The following PLCB1 variants were observed in gnomAD, a reference collection of about 807,000 sequenced individuals.
The protein encoded by PLCB1 is 1-phosphatidylinositol 4,5-bisphosphate phosphodiesterase beta-1.
A neutral mutation model predicts 161.8 loss-of-function variants in PLCB1; 46 were observed. The observed-to-expected ratio is 0.28, with a 90% CI of 0.22 to 0.36. PLCB1 has a LOEUF of 0.36. Among genes scored for constraint, PLCB1 ranks in the 10% least tolerant of loss-of-function variants. The pLI is 1.00. For synonymous variants in PLCB1, 517 were observed against 503.7 expected, an observed-to-expected ratio of 1.03 and a Z score of -0.35; for missense variants, 1,016 against 1,472.5, an observed-to-expected ratio of 0.69 and a Z score of 5.07.
intron 24 of PLCB1, among the ~76,000 whole-genome samples, chr20:8,759,012 A>G (rs1310803756): frequency 3.9e-5 from 6 of 152,220 alleles, no homozygotes; most frequent in Non-Finnish European, 7.3e-5. Flanking sequence ...TTACTGTTCA[A>G]GATTCCAACG....
intron 12 of PLCB1, among the ~76,000 whole-genome samples, chr20:8,712,543 A>G (rs1979077510): frequency 6.6e-6 from 1 of 152,214 alleles, no homozygotes; most frequent in Non-Finnish European, 1.5e-5. Context: ...TATTTTTAAA[A>G]GCCCTACTTG....
At chr20:8,834,150 G>A (rs900858828) in intron 31 of PLCB1, among the ~76,000 whole-genome samples, 1 of 152,074 alleles carries the variant, frequency 6.6e-6, no homozygotes, top group African/African-American at 2.4e-5. Flanking sequence ...GGGAAGTGAG[G>A]GGAAAGATGA....
intron 2 of PLCB1, among the ~76,000 whole-genome samples, chr20:8,280,162 C>G (rs1043975221): frequency 5.9e-5 from 9 of 151,830 alleles, no homozygotes; most frequent in African/African-American, 2.2e-4. Context: ...ATGGTGAAAC[C>G]CCGTCTCTAT....
intron 1 of PLCB1, among the ~76,000 whole-genome samples, chr20:8,145,215 G>T (rs1484379060): frequency 6.6e-6 from 1 of 152,106 alleles, no homozygotes; most frequent in Non-Finnish European, 1.5e-5. Flanking sequence ...CGTCTTGGCT[G>T]GTAGATGGCC....
chr20:8,660,734 G>A (rs533042614), intron 9 of PLCB1, among the ~76,000 whole-genome samples: 21 of 152,148 alleles, frequency 1.4e-4, no homozygotes, highest in African/African-American at 4.3e-4. Flanking sequence ...ATTTCAAATC[G>A]AAAGAGGCAC....
intron 2 of PLCB1, chr20:8,306,377 G>A (rs6055725): frequency 1.3e-5 from 2 of 152,330 alleles, no homozygotes; most frequent in Admixed American, 6.5e-5. Context: ...GCCACCTGCA[G>A]GTCAGTGGTC....
At chr20:8,293,660 G>A (rs536298666) in intron 2 of PLCB1, among the ~76,000 whole-genome samples, 2 of 152,098 alleles carry the variant, frequency 1.3e-5, no homozygotes, top group East Asian at 1.9e-4. Context: ...TTTCATCTCA[G>A]TGAAAAAGGC....
chr20:8,474,825 A>C (rs1278824771), intron 3 of PLCB1, among the ~76,000 whole-genome samples: 1 of 152,150 alleles, frequency 6.6e-6, no homozygotes, highest in Non-Finnish European at 1.5e-5. Context: ...TCTAAGTGTG[A>C]CCACAATTGA....
intron 3 of PLCB1, among the ~76,000 whole-genome samples, chr20:8,532,524 A>T (rs148633364): frequency 4.0e-4 from 61 of 152,292 alleles, no homozygotes; most frequent in African/African-American, 1.5e-3. Context: ...GTCAGCTTTC[A>T]TTAAGGACAT....
At chr20:8,476,764 CT>C (rs1159358251) in intron 3 of PLCB1, among the ~76,000 whole-genome samples, 1 of 152,026 alleles carries the variant, frequency 6.6e-6, no homozygotes, top group Non-Finnish European at 1.5e-5. Context: ...ATAGACGGGC[CT>C]TGGAATATCT....
intron 9 of PLCB1, among the ~76,000 whole-genome samples, chr20:8,678,321 C>T (rs1990136108): frequency 6.6e-6 from 1 of 152,120 alleles, no homozygotes; most frequent in African/African-American, 2.4e-5. Context: ...GTAATGTATA[C>T]ATGTGCTACA....
chr20:8,790,898 C>G (rs12481294), intron 31 of PLCB1, among the ~76,000 whole-genome samples: 11,676 of 152,098 alleles, frequency 0.077, 535 homozygotes, highest in South Asian at 0.18. Context: ...TAGAACATTC[C>G]TTCCATTTTG....
chr20:8,324,085 A>G (rs1568632215), intron 2 of PLCB1, among the ~76,000 whole-genome samples: 3 of 152,204 alleles, frequency 2.0e-5, no homozygotes, highest in Non-Finnish European at 4.4e-5. Context: ...TTACAGAGTG[A>G]CTGCTATAAT....
chr20:8,387,615 C>A (rs35568858), intron 3 of PLCB1, among the ~76,000 whole-genome samples: 20,930 of 152,134 alleles, frequency 0.14, 1,865 homozygotes, highest in Non-Finnish European at 0.19. Context: ...GTAAAAATGG[C>A]ACCAACAGAC....
chr20:8,148,519 C>G (rs990349076), intron 1 of PLCB1, among the ~76,000 whole-genome samples: 2 of 152,110 alleles, frequency 1.3e-5, no homozygotes, highest in Non-Finnish European at 2.9e-5. Context: ...AAAAATGAAA[C>G]ATAGTACTAT....
chr20:8,218,044 T>C (rs1979223589), intron 2 of PLCB1, among the ~76,000 whole-genome samples: 1 of 152,196 alleles, frequency 6.6e-6, no homozygotes, highest in Admixed American at 6.5e-5. Context: ...AACCACAACA[T>C]GGACTAAGAC....
intron 2 of PLCB1, among the ~76,000 whole-genome samples, chr20:8,234,389 T>C (rs1345379462): frequency 6.6e-6 from 1 of 152,052 alleles, no homozygotes; most frequent in Non-Finnish European, 1.5e-5. Context: ...GATTGTCAAA[T>C]TTGGTTGTTA....
At chr20:8,770,536 A>ACATGT (rs1444390258) in intron 26 of PLCB1, among the ~76,000 whole-genome samples, 1 of 152,198 alleles carries the variant, frequency 6.6e-6, no homozygotes, top group African/African-American at 2.4e-5. Context: ...GGTCCAGATG[A>ACATGT]CATGTGCCCA....
chr20:8,559,683 T>A (rs1348490586), intron 3 of PLCB1, among the ~76,000 whole-genome samples: 2 of 152,014 alleles, frequency 1.3e-5, no homozygotes, highest in Non-Finnish European at 2.9e-5. Flanking sequence ...TCAGTCAAAA[T>A]AGACCTTAGG....
Sources: allele counts gnomAD v4.1 joint callset (sites outside exome capture counted in the v4.1 genomes callset), GRCh38; gene constraint gnomAD v4.1.1; transcripts MANE v1.5; gene names NCBI Gene and HGNC (gene_info 2026-07-23, HGNC 2026-07-21).